Variants in CNTN6 observed in about 807,000 individuals in gnomAD.
CNTN6 encodes the protein contactin-6.
CNTN6 carries 137 observed loss-of-function variants against 122.8 expected under a neutral mutation model. The ratio of observed to expected loss-of-function variants is 1.12; its 90% CI spans 0.97 to 1.29. The LOEUF (loss-of-function observed/expected upper bound fraction) is 1.29, where lower values mean the gene tolerates loss of function less well. CNTN6 is among the 50% of genes most tolerant of loss of function. The pLI is 0.00. For missense variants in CNTN6, 1,634 were observed against 1,223.4 expected (o/e 1.34, Z -5.01); for synonymous variants, 570 against 426.0 (o/e 1.34, Z -4.16).
intron 4 of CNTN6, among the ~76,000 whole-genome samples, chr3:1,259,296 A>G (rs2094807561): frequency 6.6e-6 from 1 of 152,156 alleles, no homozygotes; most frequent in Non-Finnish European, 1.5e-5. Flanking sequence ...GTAGAAGGGC[A>G]TTTGAACTCA....
At chr3:1,098,796 A>G (rs2090690609) in intron 1 of CNTN6, among the ~76,000 whole-genome samples, 1 of 100,764 alleles carries the variant, frequency 9.9e-6, no homozygotes, top group African/African-American at 1.5e-4. Flanking sequence ...ACACATATAT[A>G]TATATATATA....
At chr3:1,237,642 A>G (rs958191051) in intron 4 of CNTN6, among the ~76,000 whole-genome samples, 8 of 152,210 alleles carry the variant, frequency 5.3e-5, no homozygotes, top group Non-Finnish European at 1.0e-4. Flanking sequence ...CTTAATAGCT[A>G]TGAGACAAAA....
intron 20 of CNTN6, among the ~76,000 whole-genome samples, chr3:1,392,224 C>A (rs1237868732): frequency 2.0e-5 from 3 of 152,262 alleles, no homozygotes; most frequent in Non-Finnish European, 4.4e-5. Context: ...ATCAATGGAA[C>A]AGAACAGAGC....
rs1011909706 is a variant in CNTN6 at position 1,204,958 on chromosome 3, C to T, written c.56-15729C>T. Among the ~76,000 whole-genome samples, 11 of 151,934 alleles carry T rather than the reference C, an allele frequency of 7.2e-5. 1 individual carries two copies. The highest frequency in any genetic ancestry group is 4.2e-4 in the South Asian group (2 of 4,814). ...TAGATTACAAGACAAAGGGAAATTA[C>T]GGTTAAAAATGGAATTGAGGTTGCT... On this transcript the variant is annotated intron_variant, in intron 2 of 22. Transcript: ENST00000446702.
At chr3:1,104,415 A>C (rs2091115778) in intron 1 of CNTN6, among the ~76,000 whole-genome samples, 1 of 152,116 alleles carries the variant, frequency 6.6e-6, no homozygotes, top group Non-Finnish European at 1.5e-5. Flanking sequence ...CACATTATAC[A>C]CATGTTTATG....
chr3:1,192,720 G>T (rs778309999), intron 2 of CNTN6, among the ~76,000 whole-genome samples: 3 of 151,450 alleles, frequency 2.0e-5, no homozygotes, highest in Non-Finnish European at 4.4e-5. Flanking sequence ...ACACACCCCT[G>T]TTGTGCTCAT....
At chr3:1,379,749 G>A (rs1710389606) in intron 17 of CNTN6, among the ~76,000 whole-genome samples, 1 of 152,074 alleles carries the variant, frequency 6.6e-6, no homozygotes, top group Non-Finnish European at 1.5e-5. Flanking sequence ...AAGTAAATTA[G>A]TGAAATCGGT....
chr3:1,233,069 T>G (rs13068987), intron 4 of CNTN6, among the ~76,000 whole-genome samples: 39,844 of 152,146 alleles, frequency 0.26, 6,787 homozygotes, highest in African/African-American at 0.48. Flanking sequence ...GAGCCACTTA[T>G]AAGTAGTCCT....
intron 2 of CNTN6, among the ~76,000 whole-genome samples, chr3:1,201,457 T>A (rs1263323744): frequency 7.3e-6 from 1 of 136,244 alleles, no homozygotes; most frequent in Non-Finnish European, 1.5e-5. Flanking sequence ...AGTTACTACA[T>A]ATAACAGAGA....
chr3:1,267,906 T>G (rs1276942088), intron 4 of CNTN6, among the ~76,000 whole-genome samples: 2 of 139,278 alleles, frequency 1.4e-5, no homozygotes, highest in African/African-American at 6.8e-5. Context: ...ACACGTCCCT[T>G]GATGACACCA....
intron 5 of CNTN6, among the ~76,000 whole-genome samples, chr3:1,290,047 T>A (rs900147974): frequency 1.3e-5 from 2 of 152,120 alleles, no homozygotes; most frequent in Non-Finnish European, 2.9e-5. Flanking sequence ...CCTAGGAGCT[T>A]GTTAGCAATG....
At chr3:1,284,965 C>G (rs55708684) in intron 5 of CNTN6, among the ~76,000 whole-genome samples, 45,005 of 152,050 alleles carry the variant, frequency 0.3, 8,237 homozygotes, top group East Asian at 0.56. Context: ...ATTTTAGGGA[C>G]TTTGCCTTCT....
chr3:1,280,972 T>C (rs1226206867), intron 5 of CNTN6, among the ~76,000 whole-genome samples: 2 of 152,138 alleles, frequency 1.3e-5, no homozygotes, highest in Non-Finnish European at 2.9e-5. Flanking sequence ...TCACATTTAG[T>C]CCCTCGAACA....
At chr3:1,360,863 T>C (rs530395752) in intron 12 of CNTN6, among the ~76,000 whole-genome samples, 1 of 152,222 alleles carries the variant, frequency 6.6e-6, no homozygotes, top group Admixed American at 6.5e-5. Context: ...CTTTCTCCAC[T>C]ATATTAATGA....
chr3:1,278,433 AAAAC>A lies in CNTN6; in HGVS notation c.382_385del (p.Thr128GlufsTer70). ...CCAAGATATTGAAGACTTTGAAACT[AAAAC>A]AAGAAGCACAGTATCTGTCCGAGAA... On this transcript the variant is annotated frameshift_variant, in exon 5 of 23. Transcript: ENST00000446702. LOFTEE classifies it high-confidence loss of function. The A allele has an allele frequency of 6.2e-7, 1 of 1,608,164 alleles. No individual in the cohort carries two copies. Among genetic ancestry groups the A allele is most frequent in the Non-Finnish European group, 8.5e-7 (1 of 1,175,968 alleles).
chr3:1,387,804 C>CA (rs1560004166), intron 20 of CNTN6, among the ~76,000 whole-genome samples: 1 of 152,142 alleles, frequency 6.6e-6, no homozygotes, highest in East Asian at 1.9e-4. Context: ...GGGTGACGGA[C>CA]GCACCTGGAA....
At chr3:1,393,651 A>T (rs533437379) in intron 20 of CNTN6, among the ~76,000 whole-genome samples, 5 of 142,460 alleles carry the variant, frequency 3.5e-5, no homozygotes, top group East Asian at 2.0e-4. Flanking sequence ...AACAAACATT[A>T]AAAAAAAAAA....
intron 5 of CNTN6, among the ~76,000 whole-genome samples, chr3:1,289,711 G>A (rs900937993): frequency 2.9e-5 from 4 of 137,428 alleles, no homozygotes; most frequent in African/African-American, 1.1e-4. Context: ...GTCTCGCTCT[G>A]TGGCCCAGGC....
chr3:1,242,849 C>A (rs993759854), intron 4 of CNTN6, among the ~76,000 whole-genome samples: 1 of 151,972 alleles, frequency 6.6e-6, no homozygotes, highest in Non-Finnish European at 1.5e-5. Context: ...AAGTTGGTAC[C>A]AGAGTGGGGG....
Sources: gnomAD v4.1 joint callset for allele counts (sites outside exome capture counted in the v4.1 genomes callset) on GRCh38, gnomAD v4.1.1 for gene constraint, MANE v1.5 for transcripts, NCBI Gene and HGNC (gene_info 2026-07-23, HGNC 2026-07-21) for gene names.